Variants in NR6A1 observed in about 807,000 individuals in gnomAD.
The protein encoded by NR6A1 is retinoic acid receptor-related testis-associated receptor.
Under a neutral mutation model 59.1 loss-of-function variants are expected in NR6A1, and 7 were observed. That is an observed-to-expected ratio of 0.12 (90% confidence interval 0.07 to 0.22). The LOEUF is 0.22. Among genes scored for constraint, NR6A1 ranks in the 10% least tolerant of loss-of-function variants. The pLI, the probability that NR6A1 is intolerant of heterozygous loss-of-function variation, is 1.00. For synonymous variants in NR6A1, 243 were observed against 236.1 expected, an observed-to-expected ratio of 1.03 and a Z score of -0.27; for missense variants, 468 against 611.6, an observed-to-expected ratio of 0.77 and a Z score of 2.48.
intron 2 of NR6A1, among the ~76,000 whole-genome samples, chr9:124,573,814 G>A (rs1834516766): frequency 6.6e-6 from 1 of 152,106 alleles, no homozygotes. Flanking sequence ...GTTTTTTAAA[G>A]CCGTAACATA....
At chr9:124,629,604 A>G (rs1836363625) in intron 2 of NR6A1, among the ~76,000 whole-genome samples, 1 of 152,158 alleles carries the variant, frequency 6.6e-6, no homozygotes, top group South Asian at 2.1e-4. Context: ...TCTCGAGGCC[A>G]TTTCCCAGAG....
chr9:124,633,395 T>TC (rs1479286803), intron 2 of NR6A1, among the ~76,000 whole-genome samples: 1 of 84,054 alleles, frequency 1.2e-5, no homozygotes, highest in South Asian at 4.2e-4. Context: ...AGAGCGAAAC[T>TC]CCGTCTCAAA....
At chr9:124,728,864 T>C (rs1839803060) in intron 2 of NR6A1, among the ~76,000 whole-genome samples, 1 of 152,194 alleles carries the variant, frequency 6.6e-6, no homozygotes, top group African/African-American at 2.4e-5. Flanking sequence ...GTCACCTTTC[T>C]GTAGCATAAG....
chr9:124,659,532 G>A (rs191960585), intron 2 of NR6A1, among the ~76,000 whole-genome samples: 1 of 152,162 alleles, frequency 6.6e-6, no homozygotes, highest in Non-Finnish European at 1.5e-5. Context: ...AAATTTTTTA[G>A]TGATCTGGAA....
At chr9:124,629,505 T>C (rs974997608) in intron 2 of NR6A1, among the ~76,000 whole-genome samples, 8 of 152,218 alleles carry the variant, frequency 5.3e-5, no homozygotes, top group African/African-American at 1.7e-4. Context: ...ATTTTACCAG[T>C]GAAGAAACTG....
In NR6A1 at chr9:124,522,725, T is replaced by C; in HGVS notation, c.1423A>G (p.Thr475Ala). 6.3e-7 allele frequency: 1 copy of C among 1,586,280 alleles called. No homozygotes were observed. Among genetic ancestry groups the C allele is most frequent in the Non-Finnish European group, 8.6e-7 (1 of 1,166,432 alleles). Residue 475 changes from threonine to alanine, a missense_variant, in exon 10 of 10, where the codon ACC (threonine) becomes GCC (alanine). Thr to Ala is a moderately conservative substitution (Grantham distance 58). Around this residue, in one of 4 missense-constraint regions of NR6A1, gnomAD observed 176 missense variants for 264.0 expected, o/e 0.67. Coordinates refer to ENST00000487099, the MANE Select transcript of NR6A1 (RefSeq NM_033334.4). ...ACAGGTCATTCCTTGCCCACACTGG[T>C]CTTGCAGGAATGCAGCACCACCTTA... ...LFKVVLHSCK[T>A]SVGKE
chr9:124,657,458 T>C (rs145959450), intron 2 of NR6A1, among the ~76,000 whole-genome samples: 3 of 152,200 alleles, frequency 2.0e-5, no homozygotes, highest in African/African-American at 4.8e-5. Flanking sequence ...CCATGTAGAG[T>C]AGATTTCATA....
chr9:124,582,226 T>C (rs753768881), intron 2 of NR6A1, among the ~76,000 whole-genome samples: 5 of 152,160 alleles, frequency 3.3e-5, no homozygotes, highest in Admixed American at 1.3e-4. Context: ...ATATACACCA[T>C]GGAATACTAG....
intron 2 of NR6A1, among the ~76,000 whole-genome samples, chr9:124,720,338 A>C (rs961741079): frequency 6.6e-6 from 1 of 152,174 alleles, no homozygotes; most frequent in Non-Finnish European, 1.5e-5. Context: ...GGCGCGAGCC[A>C]CCACGCCCGG....
chr9:124,716,059 C>T (rs1346376386), intron 2 of NR6A1, among the ~76,000 whole-genome samples: 1 of 152,084 alleles, frequency 6.6e-6, no homozygotes, highest in Non-Finnish European at 1.5e-5. Context: ...AAAAATTAGC[C>T]TGGCATGGTG....
At chr9:124,667,323 G>A (rs972415856) in intron 2 of NR6A1, among the ~76,000 whole-genome samples, 7 of 152,000 alleles carry the variant, frequency 4.6e-5, no homozygotes, top group African/African-American at 1.2e-4. Flanking sequence ...GAGCCACTGC[G>A]TCCGCCTGGC....
chr9:124,640,829 A>T (rs1836750254), intron 2 of NR6A1, among the ~76,000 whole-genome samples: 1 of 152,112 alleles, frequency 6.6e-6, no homozygotes, highest in Admixed American at 6.6e-5. Flanking sequence ...GAGTATTTTA[A>T]ATAAAAATGT....
rs1832812031 is a variant in NR6A1, at chr9:124,521,970, G to A, written c.*735C>T. Reference sequence around the variant, plus strand: ...AGTGGTAGACAATGATGGTGGTGCAGGGGTAAGGGGGGCAGCAAGGTGTGA... The same window carrying A: ...AGTGGTAGACAATGATGGTGGTGCAAGGGTAAGGGGGGCAGCAAGGTGTGA... On this transcript the variant is annotated 3_prime_UTR_variant, in exon 10 of 10. Coordinates refer to ENST00000487099, the MANE Select transcript of NR6A1 (RefSeq NM_033334.4). The A allele has an allele frequency of 6.6e-6, 1 of 152,298 alleles. No homozygotes were observed. Among genetic ancestry groups the A allele is most frequent in the Admixed American group, 6.5e-5 (1 of 15,284 alleles). The allele number at this position is 152,298 out of a possible 1,614,324, so 9.4% of individuals were successfully genotyped here. A position where few individuals can be genotyped will look rare whatever the true frequency, so the allele number is the denominator to read the frequency against.
At chr9:124,707,344 T>C in intron 2 of NR6A1, among the ~76,000 whole-genome samples, 1 of 152,204 alleles carries the variant, frequency 6.6e-6, no homozygotes, top group East Asian at 1.9e-4. Context: ...TTTTATTTTC[T>C]TATAATTTCT....
At chr9:124,594,188 T>C (rs1256776979) in intron 2 of NR6A1, among the ~76,000 whole-genome samples, 2 of 152,232 alleles carry the variant, frequency 1.3e-5, no homozygotes, top group Non-Finnish European at 2.9e-5. Context: ...TTTGCTTTAT[T>C]AGAATTTTCA....
At chr9:124,654,473 A>G (rs1393227169) in intron 2 of NR6A1, among the ~76,000 whole-genome samples, 1 of 152,178 alleles carries the variant, frequency 6.6e-6, no homozygotes, top group East Asian at 1.9e-4. Context: ...CATTTTAGCC[A>G]TACTACCCTT....
chr9:124,558,789 T>G (rs1833996345), intron 2 of NR6A1, among the ~76,000 whole-genome samples: 1 of 152,104 alleles, frequency 6.6e-6, no homozygotes, highest in South Asian at 2.1e-4. Context: ...CTACACATTC[T>G]ACATGCAGGT....
intron 3 of NR6A1, among the ~76,000 whole-genome samples, chr9:124,547,683 C>A (rs192190131): frequency 6.6e-6 from 1 of 151,964 alleles, no homozygotes; most frequent in East Asian, 1.9e-4. Flanking sequence ...GGCATTCTTG[C>A]GAAAAATGCA....
chr9:124,728,992 T>G (rs1197662548), intron 2 of NR6A1, among the ~76,000 whole-genome samples: 1 of 152,228 alleles, frequency 6.6e-6, no homozygotes, highest in African/African-American at 2.4e-5. Flanking sequence ...AACTTAATAT[T>G]GTAATTTGAC....
Sources: allele counts gnomAD v4.1 joint callset (sites outside exome capture counted in the v4.1 genomes callset), GRCh38; gene constraint gnomAD v4.1.1; regional missense constraint gnomAD v4.1.1; transcripts MANE v1.5; gene names NCBI Gene and HGNC (gene_info 2026-07-23, HGNC 2026-07-21).